AGBL4: variants seen among roughly 807,000 people sequenced by gnomAD.
AGBL4 encodes AGBL carboxypeptidase 4.
A neutral mutation model predicts 66.4 loss-of-function variants in AGBL4; 58 were observed. The ratio of observed to expected loss-of-function variants is 0.87; its 90% CI spans 0.71 to 1.09. The LOEUF is 1.09. Among genes scored for constraint, AGBL4 ranks in the 50% least tolerant of loss-of-function variants. The pLI, the probability that AGBL4 is intolerant of heterozygous loss-of-function variation, is 0.00. For missense variants in AGBL4, 579 were observed against 631.0 expected, an observed-to-expected ratio of 0.92 and a Z score of 0.88; for synonymous variants, 234 against 222.9, an observed-to-expected ratio of 1.05 and a Z score of -0.44.
rs1645658455 is a variant in AGBL4 at position 49,121,752 on chromosome 1, A to G, written c.378-75952T>C. Among the ~76,000 whole-genome samples, 2 of 152,214 alleles carry G rather than the reference A, an allele frequency of 1.3e-5. 1 individual carries two copies. Among genetic ancestry groups the G allele is most frequent in the African/African-American group, 4.8e-5 (2 of 41,468 alleles). ...ACTGCTCTCTTCAGAGCTGTCAGACATGGACGTTTAAGTCTGCAGAAGTTG... is the reference window on the plus strand; with the variant it reads ...ACTGCTCTCTTCAGAGCTGTCAGACGTGGACGTTTAAGTCTGCAGAAGTTG... On this transcript the variant is annotated intron_variant, in intron 4 of 13. Coordinates refer to ENST00000371839, the MANE Select transcript of AGBL4 (RefSeq NM_032785.4).
intron 5 of AGBL4, among the ~76,000 whole-genome samples, chr1:49,036,295 G>A (rs896067152): frequency 2.0e-5 from 3 of 152,050 alleles, no homozygotes; most frequent in African/African-American, 7.2e-5. Flanking sequence ...CATTTCTAGA[G>A]ATCTAACATC....
intron 4 of AGBL4, among the ~76,000 whole-genome samples, chr1:49,206,551 T>C (rs752040883): frequency 6.6e-6 from 1 of 152,172 alleles, no homozygotes; most frequent in Admixed American, 6.6e-5. Flanking sequence ...CCTGACACTA[T>C]CCTTATACAT....
At chr1:48,805,875 G>C (rs1645912391) in intron 6 of AGBL4, among the ~76,000 whole-genome samples, 1 of 152,186 alleles carries the variant, frequency 6.6e-6, no homozygotes, top group Admixed American at 6.5e-5. Flanking sequence ...TCTAAGGGCT[G>C]TTTAGCTTTG....
chr1:49,060,424 C>G (rs1340222361), intron 4 of AGBL4, among the ~76,000 whole-genome samples: 1 of 152,134 alleles, frequency 6.6e-6, no homozygotes, highest in Non-Finnish European at 1.5e-5. Context: ...TGGGGCAGTT[C>G]TTTATGGCAA....
chr1:49,597,172 T>A lies in AGBL4; in HGVS notation c.282+100141A>T, dbSNP rs375961851. The stretch of plus-strand genomic sequence containing the variant: ...CAATTAGGTTAAGAATAATGAATAG[T>A]ATTAAGAATCAATTAGATAAGAACT... On this transcript the variant is annotated intron_variant, in intron 3 of 13. Transcript: ENST00000371839. Among the ~76,000 whole-genome samples, 50 of 152,356 alleles carry A rather than the reference T, an allele frequency of 3.3e-4. 1 individual carries two copies. The South Asian group carries it at 9.5e-3, about 29-fold the overall frequency.
chr1:49,846,402 C>A, intron 2 of AGBL4: 1 of 1,535,992 alleles, frequency 6.5e-7, no homozygotes, highest in South Asian at 1.1e-5. Context: ...ACTGGATAAA[C>A]CCACTCCACA....
At chr1:49,751,395 G>C (rs547924231) in intron 2 of AGBL4, among the ~76,000 whole-genome samples, 1 of 152,278 alleles carries the variant, frequency 6.6e-6, no homozygotes, top group East Asian at 1.9e-4. Flanking sequence ...ACTGATTTAA[G>C]TATGTTGAAC....
chr1:48,685,816 A>T (rs948793930), intron 6 of AGBL4, among the ~76,000 whole-genome samples: 1 of 152,288 alleles, frequency 6.6e-6, no homozygotes, highest in East Asian at 1.9e-4. Flanking sequence ...TCTACCTCCC[A>T]TGAAGTCAGA....
At chr1:49,842,089 C>T (rs1460057435) in intron 2 of AGBL4, 9 of 341,978 alleles carry the variant, frequency 2.6e-5, no homozygotes, top group Admixed American at 1.2e-4. Flanking sequence ...CCTGCATGCC[C>T]GACCTCCTGA....
chr1:49,135,290 C>G (rs1369884264), intron 4 of AGBL4, among the ~76,000 whole-genome samples: 1 of 151,996 alleles, frequency 6.6e-6, no homozygotes, highest in Non-Finnish European at 1.5e-5. Context: ...TTTTAAAAAA[C>G]AGCAAAAACC....
chr1:49,915,546 C>T (rs558520447), intron 1 of AGBL4, among the ~76,000 whole-genome samples: 135 of 152,258 alleles, frequency 8.9e-4, no homozygotes, highest in African/African-American at 3.1e-3. Context: ...AAGGGGCACC[C>T]GCCATTGCTG....
At chr1:48,883,218 C>G (rs1179500995) in intron 5 of AGBL4, among the ~76,000 whole-genome samples, 1 of 152,150 alleles carries the variant, frequency 6.6e-6, no homozygotes, top group East Asian at 1.9e-4. Context: ...GCTGTGCCAA[C>G]TTGCATTCCT....
chr1:49,263,161 G>A (rs1022073033), intron 3 of AGBL4, among the ~76,000 whole-genome samples: 3 of 151,718 alleles, frequency 2.0e-5, no homozygotes, highest in African/African-American at 7.3e-5. Flanking sequence ...GTTGTGGGGT[G>A]GGGGGAGTGG....
At chr1:49,357,250 T>C (rs1228574051) in intron 3 of AGBL4, among the ~76,000 whole-genome samples, 1 of 152,222 alleles carries the variant, frequency 6.6e-6, no homozygotes, top group African/African-American at 2.4e-5. Flanking sequence ...CATCTTGCTA[T>C]TAGTTGATAG....
intron 4 of AGBL4, among the ~76,000 whole-genome samples, chr1:49,057,433 G>GA (rs1644327614): frequency 6.6e-6 from 1 of 151,324 alleles, no homozygotes; most frequent in Non-Finnish European, 1.5e-5. Flanking sequence ...AAAAGAAAAA[G>GA]AAAAAAAAGC....
intron 3 of AGBL4, among the ~76,000 whole-genome samples, chr1:49,382,229 G>T (rs1644633031): frequency 6.6e-6 from 1 of 152,026 alleles, no homozygotes; most frequent in South Asian, 2.1e-4. Flanking sequence ...ACGAGAACAA[G>T]ATAAGAAATA....
chr1:49,458,590 C>A (rs1235821645), intron 3 of AGBL4, among the ~76,000 whole-genome samples: 1 of 151,562 alleles, frequency 6.6e-6, no homozygotes, highest in East Asian at 1.9e-4. Context: ...CAATGCTTTG[C>A]TGAATAGAAG....
intron 3 of AGBL4, among the ~76,000 whole-genome samples, chr1:49,684,267 A>C (rs1315615519): frequency 6.6e-6 from 1 of 152,222 alleles, no homozygotes; most frequent in African/African-American, 2.4e-5. Context: ...CTTTGGCAGT[A>C]GATCAGCCAA....
chr1:48,923,114 AT>A (rs1435170436), intron 5 of AGBL4, among the ~76,000 whole-genome samples: 1 of 151,416 alleles, frequency 6.6e-6, no homozygotes, highest in African/African-American at 2.4e-5. Context: ...TAAAATAATT[AT>A]TGTATTATAC....
Sources: gnomAD v4.1 joint callset for allele counts (sites outside exome capture counted in the v4.1 genomes callset) on GRCh38, gnomAD v4.1.1 for gene constraint, MANE v1.5 for transcripts, NCBI Gene and HGNC (gene_info 2026-07-23, HGNC 2026-07-21) for gene names.